Variants in ARPC3 observed in about 807,000 individuals in gnomAD.
ARPC3 encodes the protein actin related protein 2/3 complex subunit 3, also known as actin-related protein 2/3 complex subunit 3.
Under a neutral mutation model 27.6 loss-of-function variants are expected in ARPC3, and 12 were observed. That is an observed-to-expected ratio of 0.43 (90% CI 0.28 to 0.70). The LOEUF (loss-of-function observed/expected upper bound fraction) is 0.70, where lower values mean the gene tolerates loss of function less well. Ranked by LOEUF, ARPC3 falls within the 30% of genes least tolerant of loss-of-function variation. The pLI is 0.17. For missense variants in ARPC3, 153 were observed against 207.7 expected (o/e 0.74, Z 1.62); for synonymous variants, 53 against 67.2 (o/e 0.79, Z 1.03).
chr12:110,449,961 C>G (rs1477392414), intron 1 of ARPC3, among the ~76,000 whole-genome samples: 1 of 152,180 alleles, frequency 6.6e-6, no homozygotes, highest in African/African-American at 2.4e-5. Flanking sequence ...GCTTCGCTCT[C>G]TAGTGAGGCT....
At chr12:110,450,043 T>C (rs1003601388) in intron 1 of ARPC3, among the ~76,000 whole-genome samples, 1 of 152,150 alleles carries the variant, frequency 6.6e-6, no homozygotes, top group South Asian at 2.1e-4. Flanking sequence ...CCTGGACCCT[T>C]GGCCCACTCC....
intron 1 of ARPC3, among the ~76,000 whole-genome samples, chr12:110,449,551 G>A (rs1210259318): frequency 6.6e-6 from 1 of 152,092 alleles, no homozygotes; most frequent in Non-Finnish European, 1.5e-5. Flanking sequence ...GACAGAACGA[G>A]ACTCTCTCAA....
chr12:110,436,136 C>T lies in ARPC3; in HGVS notation c.448G>A (p.Asp150Asn), dbSNP rs371633553. Residue 150 changes from aspartate (D) to asparagine (N), a missense_variant, in exon 6 of 7, where the codon GAC (aspartate) becomes AAC (asparagine). Asp to Asn is a conservative substitution (Grantham distance 23). Coordinates refer to ENST00000228825, the MANE Select transcript of ARPC3 (RefSeq NM_001278556.2). ...TTGCTGGGTTTATCATTCTGAGGGT[C>T]GAAAACTTTCTCACAAAGTCTCAGT... ...TGLRLCEKVFDPQNDKPSKWW... is the reference protein window; with the variant it reads ...TGLRLCEKVFNPQNDKPSKWW... 2.8e-5 allele frequency: 45 copies of T among 1,613,376 alleles called. 1 individual carries two copies. In the Middle Eastern group the frequency reaches 6.7e-4, roughly 24 times the overall value.
intron 3 of ARPC3, among the ~76,000 whole-genome samples, chr12:110,438,976 G>T (rs1175023567): frequency 6.6e-6 from 1 of 151,484 alleles, no homozygotes; most frequent in Non-Finnish European, 1.5e-5. Flanking sequence ...GGGAACAAAT[G>T]AAATGTGGCA....
chr12:110,440,243 T>G (rs1471997909), intron 3 of ARPC3, 69 bp downstream of exon 3: 6 of 1,068,392 alleles, frequency 5.6e-6, no homozygotes, highest in African/African-American at 3.1e-5. Flanking sequence ...CTCACAGCAA[T>G]CTGGATAGCA....
At position 110,436,699 on chromosome 12, in the gene ARPC3, T is replaced by TATATATATATACACACACACACACACAC; in HGVS notation, c.253-17_253-16insGTGTGTGTGTGTGTGTGTATATATATAT. The TATATATATATACACACACACACACACAC allele has an allele frequency of 1.6e-6, 1 of 633,900 alleles. No homozygotes were observed. The highest frequency in any genetic ancestry group is 2.5e-6 in the Non-Finnish European group (1 of 403,986). The allele number at this position is 633,900 out of a possible 1,614,324, so 39.3% of individuals were successfully genotyped here. On this transcript the variant is annotated splice_polypyrimidine_tract_variant and intron_variant, in intron 4 of 6. Transcript: ENST00000228825. The stretch of plus-strand genomic sequence containing the variant: ...TGGAATTGCACTGGAAAAAAAAATA[T>TATATATATATACACACACACACACACAC]ATATATATATATACACACACACACA...
At chr12:110,449,868 C>G (rs2062490294) in intron 1 of ARPC3, among the ~76,000 whole-genome samples, 1 of 152,084 alleles carries the variant, frequency 6.6e-6, no homozygotes, top group Non-Finnish European at 1.5e-5. Context: ...GACCCCGGGG[C>G]GGAGGAGGAA....
Position 110,445,568 on chromosome 12 carries a change from A to C in ARPC3, c.7-17T>G. On this transcript the variant is annotated splice_polypyrimidine_tract_variant and intron_variant, in intron 1 of 6. Coordinates refer to ENST00000228825, the MANE Select transcript of ARPC3 (RefSeq NM_001278556.2). ...GTGGTAAGCCTGTAATGGCAAGCCCAGGAAGAACACAGAAGCAGAAAAAGA... is the reference window on the plus strand; with the variant it reads ...GTGGTAAGCCTGTAATGGCAAGCCCCGGAAGAACACAGAAGCAGAAAAAGA... The C allele has an allele frequency of 6.4e-7, 1 of 1,555,834 alleles. No homozygotes were observed. Among genetic ancestry groups the C allele is most frequent in the South Asian group, 1.1e-5 (1 of 89,886 alleles).
chr12:110,441,267 G>A (rs1052913280), intron 2 of ARPC3, among the ~76,000 whole-genome samples: 1 of 151,928 alleles, frequency 6.6e-6, no homozygotes, highest in African/African-American at 2.4e-5. Flanking sequence ...CAAGTAGCTG[G>A]GATTATACGC....
intron 1 of ARPC3, among the ~76,000 whole-genome samples, chr12:110,446,765 C>T (rs769149119): frequency 3.3e-5 from 5 of 151,996 alleles, no homozygotes; most frequent in South Asian, 2.1e-4. Context: ...CGTGCCACCA[C>T]GCCCAGCTAA....
At chr12:110,447,260 T>TA (rs930919705) in intron 1 of ARPC3, among the ~76,000 whole-genome samples, 6 of 152,110 alleles carry the variant, frequency 3.9e-5, no homozygotes, top group South Asian at 2.1e-4. Flanking sequence ...AAGGAAGGGA[T>TA]AAAAAAAATC....
intron 2 of ARPC3, chr12:110,444,827 G>A (rs2062455511): frequency 6.6e-6 from 1 of 152,554 alleles, no homozygotes; most frequent in South Asian, 2.1e-4. Context: ...AACCATGAAT[G>A]GAATTCAGTT....
At chr12:110,440,445 C>T (rs2062429004) in intron 2 of ARPC3, 57 bp from the exon 3 acceptor site, 1 of 1,187,848 alleles carries the variant, frequency 8.4e-7, no homozygotes, top group Non-Finnish European at 1.3e-6. Flanking sequence ...CAAAACATAA[C>T]AACTATCAAA....
In ARPC3 at chr12:110,436,695, A is replaced by AAAAAAAT. The variant is rs764485902; in HGVS notation, c.253-13_253-12insATTTTTT. On this transcript the variant is annotated splice_polypyrimidine_tract_variant and intron_variant, in intron 4 of 6. Coordinates refer to ENST00000228825, the MANE Select transcript of ARPC3 (RefSeq NM_001278556.2). ...CTTTTGGAATTGCACTGGAAAAAAA[A>AAAAAAAT]ATATATATATATATATACACACACA... 1 of 735,058 alleles carries AAAAAAAT rather than the reference A, an allele frequency of 1.4e-6. No individual in the cohort carries two copies. Among genetic ancestry groups the AAAAAAAT allele is most frequent in the Non-Finnish European group, 2.1e-6 (1 of 472,404 alleles). 45.5% of individuals were successfully genotyped at this position (735,058 alleles called of 1,614,324 possible). A position where few individuals can be genotyped will look rare whatever the true frequency, so the allele number is the denominator to read the frequency against.
intron 4 of ARPC3, 104 bp from the exon 5 acceptor site, chr12:110,436,787 G>T (rs2062408554): frequency 4.0e-6 from 4 of 991,386 alleles, no homozygotes; most frequent in Non-Finnish European, 4.4e-6. Flanking sequence ...TTCTATCCTT[G>T]GACCCCAGGT....
intron 3 of ARPC3, among the ~76,000 whole-genome samples, 171 bp downstream of exon 3, chr12:110,440,141 G>T (rs2062427754): frequency 6.7e-6 from 1 of 150,212 alleles, no homozygotes; most frequent in African/African-American, 2.4e-5. Flanking sequence ...GAATTTGGAG[G>T]AAAAAAAAAG....
intron 6 of ARPC3, among the ~76,000 whole-genome samples, chr12:110,435,505 A>AT (rs1189677245): frequency 6.6e-6 from 1 of 151,476 alleles, no homozygotes; most frequent in Non-Finnish European, 1.5e-5. Flanking sequence ...AATTTTTTGT[A>AT]TTTTTTAGTA....
At chr12:110,436,863 T>C (rs1227470059) in intron 4 of ARPC3, 180 bp from the exon 5 acceptor site, 5 of 669,694 alleles carry the variant, frequency 7.5e-6, no homozygotes, top group Non-Finnish European at 1.3e-5. Flanking sequence ...TGAGAAAATA[T>C]ATTCAAAGCC....
At chr12:110,435,921 C>T (rs778316649) in intron 6 of ARPC3, among the ~76,000 whole-genome samples, 189 bp downstream of exon 6, 15 of 152,116 alleles carry the variant, frequency 9.9e-5, no homozygotes, top group South Asian at 8.3e-4. Context: ...CCACTGCGCC[C>T]GGCCTGCAAT....
Sources: allele counts gnomAD v4.1 joint callset (sites outside exome capture counted in the v4.1 genomes callset), GRCh38; gene constraint gnomAD v4.1.1; transcripts MANE v1.5; gene names NCBI Gene and HGNC (gene_info 2026-07-23, HGNC 2026-07-21).